HS3ST5: variants seen among roughly 807,000 people sequenced by gnomAD.
The protein encoded by HS3ST5 is heparan sulfate glucosamine 3-O-sulfotransferase 5.
HS3ST5 carries 10 observed loss-of-function variants against 25.4 expected under a neutral mutation model. The ratio of observed to expected loss-of-function variants is 0.39; its 90% CI spans 0.24 to 0.67. The LOEUF (loss-of-function observed/expected upper bound fraction) is 0.67, where lower values mean the gene tolerates loss of function less well. Ranked by LOEUF, HS3ST5 falls within the 30% of genes least tolerant of loss-of-function variation. The probability of loss-of-function intolerance (pLI) is 0.44; values close to 1 mark genes in which losing one functional copy is unlikely to be tolerated. For missense variants in HS3ST5, 324 were observed against 420.7 expected, an observed-to-expected ratio of 0.77 and a Z score of 2.01; for synonymous variants, 170 against 162.4, an observed-to-expected ratio of 1.05 and a Z score of -0.36.
At chr6:114,327,620 A>G (rs1261628866) in intron 1 of HS3ST5, among the ~76,000 whole-genome samples, 2 of 152,140 alleles carry the variant, frequency 1.3e-5, no homozygotes, top group Non-Finnish European at 2.9e-5. Flanking sequence ...AAAACACGCT[A>G]TATTATCCCA....
chr6:114,274,571 A>G (rs1208708669), intron 1 of HS3ST5, among the ~76,000 whole-genome samples: 1 of 152,076 alleles, frequency 6.6e-6, no homozygotes, highest in Non-Finnish European at 1.5e-5. Flanking sequence ...AGTGACAGTG[A>G]AAAGATAAAG....
At chr6:114,304,450 T>G (rs1487135298) in intron 1 of HS3ST5, among the ~76,000 whole-genome samples, 2 of 152,100 alleles carry the variant, frequency 1.3e-5, no homozygotes, top group African/African-American at 4.8e-5. Flanking sequence ...ATTTTTCATA[T>G]AAATTTTTAA....
chr6:114,331,253 C>T (rs1366481581), intron 1 of HS3ST5, among the ~76,000 whole-genome samples: 1 of 152,072 alleles, frequency 6.6e-6, no homozygotes, highest in Non-Finnish European at 1.5e-5. Context: ...GTTAAGGTGT[C>T]TTTTAAAACA....
chr6:114,309,398 T>C (rs1775436959), intron 1 of HS3ST5, among the ~76,000 whole-genome samples: 1 of 152,146 alleles, frequency 6.6e-6, no homozygotes, highest in African/African-American at 2.4e-5. Context: ...ATGAATTCAG[T>C]AGTAACCACA....
intron 1 of HS3ST5, among the ~76,000 whole-genome samples, chr6:114,299,370 C>T (rs951271882): frequency 3.9e-5 from 6 of 152,126 alleles, no homozygotes; most frequent in Non-Finnish European, 8.8e-5. Context: ...ATTTTAATTT[C>T]GCCCTGGTCC....
chr6:114,122,255 T>G (rs972411269), intron 3 of HS3ST5, among the ~76,000 whole-genome samples: 4 of 152,190 alleles, frequency 2.6e-5, no homozygotes, highest in Admixed American at 2.6e-4. Context: ...ATATCATCCT[T>G]TGAGGCTGAC....
intron 1 of HS3ST5, among the ~76,000 whole-genome samples, chr6:114,276,956 C>T (rs1773883989): frequency 6.6e-6 from 1 of 151,920 alleles, no homozygotes; most frequent in South Asian, 2.1e-4. Context: ...GATCATCTGG[C>T]TGCATTAGGA....
intron 2 of HS3ST5, among the ~76,000 whole-genome samples, chr6:114,189,794 A>C (rs1006672574): frequency 2.0e-5 from 3 of 152,152 alleles, no homozygotes; most frequent in Non-Finnish European, 2.9e-5. Flanking sequence ...GCCTTCCTGA[A>C]GCATGTGTTG....
chr6:114,262,911 A>G (rs1773241329), intron 1 of HS3ST5, among the ~76,000 whole-genome samples: 1 of 152,154 alleles, frequency 6.6e-6, no homozygotes, highest in Non-Finnish European at 1.5e-5. Flanking sequence ...TTGACATTTG[A>G]AGATTTTTCT....
At chr6:114,308,381 C>G (rs556666105) in intron 1 of HS3ST5, among the ~76,000 whole-genome samples, 1 of 151,996 alleles carries the variant, frequency 6.6e-6, no homozygotes, top group East Asian at 1.9e-4. Context: ...GTCAGGAGAT[C>G]GAGACCGTCA....
intron 1 of HS3ST5, among the ~76,000 whole-genome samples, chr6:114,276,342 T>TATA (rs1160827986): frequency 1.3e-5 from 2 of 151,986 alleles, no homozygotes; most frequent in African/African-American, 2.4e-5. Flanking sequence ...TGAATGTGCT[T>TATA]ATAATACTTC....
At chr6:114,252,639 G>GAA (rs542278254) in intron 1 of HS3ST5, among the ~76,000 whole-genome samples, 3 of 142,192 alleles carry the variant, frequency 2.1e-5, no homozygotes, top group Admixed American at 7.0e-5. Flanking sequence ...GCCTTCTTTT[G>GAA]AAAAAAAAAA....
At chr6:114,274,395 T>A (rs1174615995) in intron 1 of HS3ST5, among the ~76,000 whole-genome samples, 1 of 152,008 alleles carries the variant, frequency 6.6e-6, no homozygotes, top group Non-Finnish European at 1.5e-5. Context: ...GTGATAATAG[T>A]CAGCACGGTT....
At chr6:114,250,756 G>A (rs1461132287) in intron 1 of HS3ST5, among the ~76,000 whole-genome samples, 1 of 152,112 alleles carries the variant, frequency 6.6e-6, no homozygotes, top group Admixed American at 6.5e-5. Flanking sequence ...CTGTATTCCA[G>A]ATAAACAGTG....
chr6:114,199,271 T>C (rs1419790084), intron 2 of HS3ST5, among the ~76,000 whole-genome samples: 2 of 152,180 alleles, frequency 1.3e-5, no homozygotes, highest in Non-Finnish European at 2.9e-5. Context: ...TAAGTTTTTA[T>C]GGCCGTAAAG....
chr6:114,144,496 TAA>T (rs1008485624), intron 3 of HS3ST5, among the ~76,000 whole-genome samples: 8 of 152,194 alleles, frequency 5.3e-5, no homozygotes, highest in Non-Finnish European at 1.2e-4. Context: ...AGCCTAAAAT[TAA>T]ACTCTCCAAA....
chr6:114,171,821 C>T (rs111457117), intron 2 of HS3ST5, among the ~76,000 whole-genome samples: 1 of 152,096 alleles, frequency 6.6e-6, no homozygotes, highest in Non-Finnish European at 1.5e-5. Context: ...CCACAAACAA[C>T]AACAAAATAG....
At chr6:114,318,684 G>T (rs1028081873) in intron 1 of HS3ST5, among the ~76,000 whole-genome samples, 4 of 152,106 alleles carry the variant, frequency 2.6e-5, no homozygotes, top group Non-Finnish European at 5.9e-5. Flanking sequence ...TTACAAATAA[G>T]GTGTCAGCAG....
At chr6:114,237,988 C>T (rs535931081) in intron 1 of HS3ST5, among the ~76,000 whole-genome samples, 7 of 152,254 alleles carry the variant, frequency 4.6e-5, no homozygotes, top group Admixed American at 4.6e-4. Flanking sequence ...TGCTTATTTA[C>T]ACATAGCAAT....
Sources: allele counts gnomAD v4.1 joint callset (sites outside exome capture counted in the v4.1 genomes callset), GRCh38; gene constraint gnomAD v4.1.1; transcripts MANE v1.5; gene names NCBI Gene and HGNC (gene_info 2026-07-23, HGNC 2026-07-21).